XPO6: variants seen among roughly 807,000 people sequenced by gnomAD.
XPO6 encodes the protein exportin-6.
XPO6 carries 3 observed loss-of-function variants against 130.0 expected under a neutral mutation model. The observed-to-expected ratio is 0.02, with a 90% CI of 0.01 to 0.06. The LOEUF is 0.06. Ranked by LOEUF, XPO6 falls within the 10% of genes least tolerant of loss-of-function variation. The pLI, the probability that XPO6 is intolerant of heterozygous loss-of-function variation, is 1.00. For synonymous variants in XPO6, 524 were observed against 548.9 expected (o/e 0.95, Z 0.63); for missense variants, 970 against 1,393.0 (o/e 0.70, Z 4.83).
At chr16:28,193,232 A>G (rs944840964) in intron 1 of XPO6, among the ~76,000 whole-genome samples, 2 of 152,224 alleles carry the variant, frequency 1.3e-5, no homozygotes, top group Non-Finnish European at 2.9e-5. Context: ...AGGGTCCTTA[A>G]GTATCCCTGC....
intron 23 of XPO6, among the ~76,000 whole-genome samples, chr16:28,099,046 C>T (rs1419409434): frequency 6.6e-6 from 1 of 152,220 alleles, no homozygotes; most frequent in Admixed American, 6.5e-5. Context: ...GCCCCTCAAA[C>T]GCAGACATGG....
At chr16:28,211,167 C>T (rs973097304) in intron 1 of XPO6, among the ~76,000 whole-genome samples, 199 bp downstream of exon 1, 2 of 152,236 alleles carry the variant, frequency 1.3e-5, no homozygotes, top group Admixed American at 1.3e-4. Flanking sequence ...AGGGCCCTCC[C>T]AGGCCTGAGC....
intron 1 of XPO6, among the ~76,000 whole-genome samples, chr16:28,199,925 G>C (rs1245810464): frequency 6.6e-6 from 1 of 152,026 alleles, no homozygotes; most frequent in Admixed American, 6.5e-5. Context: ...GGGAGGCCAA[G>C]GCGGTGGATT....
At chr16:28,171,093 A>G (rs1428767731) in intron 4 of XPO6, among the ~76,000 whole-genome samples, 1 of 150,264 alleles carries the variant, frequency 6.7e-6, no homozygotes, top group South Asian at 2.1e-4. Flanking sequence ...TTTTTACTTA[A>G]GCTAAAAAAA....
rs768294298 is a variant in XPO6, at chr16:28,106,218, C to T, written c.2613-4G>A. 3.7e-6 allele frequency: 6 copies of T among 1,613,824 alleles called. No homozygotes were observed. In the Admixed American group the frequency reaches 1.0e-4, roughly 27 times the overall value. ...GATGCTCTCGGCTAACTGCTCTCTA[C>T]AGAGGAGAAAGCCACACAGTGAGCA... On this transcript the variant is annotated splice_polypyrimidine_tract_variant and splice_region_variant and intron_variant, in intron 19 of 23. Transcript: ENST00000304658. The surrounding 1 kb of genome is among the most constrained non-coding windows in gnomAD (Gnocchi z 4.2).
chr16:28,196,887 C>T (rs61574991), intron 1 of XPO6, among the ~76,000 whole-genome samples: 8,253 of 152,264 alleles, frequency 0.054, 577 homozygotes, highest in East Asian at 0.17. Flanking sequence ...TCCCTTACCA[C>T]ATGCCCAATC....
intron 9 of XPO6, among the ~76,000 whole-genome samples, chr16:28,142,738 T>C (rs2042916707): frequency 6.6e-6 from 1 of 152,094 alleles, no homozygotes; most frequent in Non-Finnish European, 1.5e-5. Context: ...GCCTGGATAA[T>C]TTTTGTATTT....
At chr16:28,115,427 C>G (rs752682715) in intron 15 of XPO6, among the ~76,000 whole-genome samples, 4 of 152,168 alleles carry the variant, frequency 2.6e-5, no homozygotes, top group Non-Finnish European at 5.9e-5. Flanking sequence ...CCTTAGGTAA[C>G]CAGGTGCATT....
At chr16:28,119,198 T>A (rs1157529454) in intron 14 of XPO6, among the ~76,000 whole-genome samples, 1 of 151,134 alleles carries the variant, frequency 6.6e-6, no homozygotes, top group African/African-American at 2.4e-5. Context: ...TTTTTTTTTT[T>A]GGTAGGGACA....
intron 13 of XPO6, among the ~76,000 whole-genome samples, 167 bp from the exon 14 acceptor site, chr16:28,121,929 G>A (rs1287966671): frequency 6.6e-6 from 1 of 152,176 alleles, no homozygotes; most frequent in African/African-American, 2.4e-5. Context: ...TCTGAGATAT[G>A]CATAAAGATT....
At chr16:28,193,534 CA>C in intron 1 of XPO6, among the ~76,000 whole-genome samples, 1 of 152,174 alleles carries the variant, frequency 6.6e-6, no homozygotes, top group South Asian at 2.1e-4. Flanking sequence ...TGGAACTATA[CA>C]CAGTTCCATC....
At chr16:28,175,074 A>C (rs906163858) in intron 4 of XPO6, among the ~76,000 whole-genome samples, 10 of 152,034 alleles carry the variant, frequency 6.6e-5, no homozygotes, top group Admixed American at 3.3e-4. Flanking sequence ...GCCCAAATTC[A>C]TTCCCCTTCT....
chr16:28,148,370 C>T (rs541365066), intron 8 of XPO6, among the ~76,000 whole-genome samples: 57 of 152,296 alleles, frequency 3.7e-4, no homozygotes, highest in African/African-American at 1.2e-3. Context: ...CATGACCTGG[C>T]CTCTGATAGT....
At chr16:28,184,752 AC>A (rs1285974537) in intron 1 of XPO6, among the ~76,000 whole-genome samples, 1 of 152,214 alleles carries the variant, frequency 6.6e-6, no homozygotes, top group Non-Finnish European at 1.5e-5. Context: ...CTACACATCT[AC>A]CAGAAAGGCT....
At position 28,107,692 on chromosome 16, in the gene XPO6, G is replaced by A; in HGVS notation, c.2342-15C>T. ...AATCAGTTTGGCTGCAAATCAAGAT[G>A]AGTTGCAGGTTATAAGCTGTCTGGG... On this transcript the variant is annotated splice_polypyrimidine_tract_variant and intron_variant, in intron 17 of 23. Transcript: ENST00000304658. 2.5e-6 allele frequency: 4 copies of A among 1,613,196 alleles called. No individual in the cohort carries two copies. Among genetic ancestry groups the A allele is most frequent in the South Asian group, 1.1e-5 (1 of 91,070 alleles).
chr16:28,195,456 A>G (rs890649099), intron 1 of XPO6, among the ~76,000 whole-genome samples: 3 of 152,192 alleles, frequency 2.0e-5, no homozygotes, highest in African/African-American at 4.8e-5. Flanking sequence ...ACACCCAAGG[A>G]TCCCAGTCAA....
At chr16:28,119,177 G>A (rs1049286868) in intron 14 of XPO6, among the ~76,000 whole-genome samples, 1 of 151,496 alleles carries the variant, frequency 6.6e-6, no homozygotes, top group Non-Finnish European at 1.5e-5. Flanking sequence ...CACTATGTCC[G>A]GCTATTTTTT....
intron 1 of XPO6, among the ~76,000 whole-genome samples, chr16:28,186,393 C>CTTTTTTTTTTTTTTTTTTTTTTTT (rs1596952535): frequency 2.4e-4 from 1 of 4,240 alleles, no homozygotes. Context: ...TTTTTTTTTG[C>CTTTTTTTTTTTTTTTTTTTTTTTT]TAAAGACATG....
At chr16:28,184,617 CAA>C (rs2043666229) in intron 1 of XPO6, among the ~76,000 whole-genome samples, 1 of 146,790 alleles carries the variant, frequency 6.8e-6, no homozygotes, top group Admixed American at 6.8e-5. Context: ...AAAAAAAAGA[CAA>C]AGGACTTCAA....
Sources: allele counts gnomAD v4.1 joint callset (sites outside exome capture counted in the v4.1 genomes callset), GRCh38; gene constraint gnomAD v4.1.1; non-coding constraint Gnocchi (gnomAD v3.1); transcripts MANE v1.5; gene names NCBI Gene and HGNC (gene_info 2026-07-23, HGNC 2026-07-21).